GALNT9: variants seen among roughly 807,000 people sequenced by gnomAD.
The protein encoded by GALNT9 is polypeptide N-acetylgalactosaminyltransferase 9.
GALNT9 carries 47 observed loss-of-function variants against 63.1 expected under a neutral mutation model. The observed-to-expected ratio is 0.75, with a 90% CI of 0.59 to 0.95. The LOEUF (loss-of-function observed/expected upper bound fraction) is 0.95. Ranked by LOEUF, GALNT9 falls within the 40% of genes least tolerant of loss-of-function variation. The pLI is 0.00. For missense variants in GALNT9, 829 were observed against 874.8 expected (o/e 0.95, Z 0.66); for synonymous variants, 396 against 365.7 (o/e 1.08, Z -0.94).
chr12:132,222,635 G>T (rs1289247536), intron 6 of GALNT9, among the ~76,000 whole-genome samples: 1 of 151,898 alleles, frequency 6.6e-6, no homozygotes, highest in Non-Finnish European at 1.5e-5. Context: ...ACTCAGGCTN[G>T]TTAGCCACGG....
Position 132,304,579 on chromosome 12 carries a change from G to A in GALNT9, c.239-18149C>T, listed in dbSNP as rs182432767. 0.03 allele frequency among the ~76,000 whole-genome samples: 415 copies of A among 13,832 alleles called. 25 individuals carry two copies. The East Asian group carries it at 0.42, about 14-fold the overall frequency. 9.1% of individuals were successfully genotyped at this position (13,832 alleles called of 152,430 possible). On this transcript the variant is annotated intron_variant, in intron 1 of 10. Transcript: ENST00000328957. ...CACACCCTCACCGGGGCACACCCTC[G>A]CCCGGACACGCCCTCACCCGGGCAC... is the stretch of plus-strand genomic sequence containing the variant.
intron 8 of GALNT9, 48 bp from the exon 9 acceptor site, chr12:132,199,317 G>A (rs6598205): frequency 0.72 from 991,691 of 1,373,426 alleles, 359,148 homozygotes; most frequent in African/African-American, 0.84. Context: ...CCGAGGGTGC[G>A]GCCCCAGGGA....
At chr12:132,197,467 G>A (rs573432265) in intron 10 of GALNT9, among the ~76,000 whole-genome samples, 32 of 148,808 alleles carry the variant, frequency 2.2e-4, no homozygotes, top group Admixed American at 1.5e-3. Context: ...CAGGGCTAGC[G>A]GCCCAGGTTG....
At position 132,196,903 on chromosome 12, in the gene GALNT9, G is replaced by A. The variant is rs369583695; in HGVS notation, c.*204C>T. 486 of 1,392,178 alleles carry A rather than the reference G, an allele frequency of 3.5e-4. 1 individual carries two copies. The African/African-American group carries it at 6.1e-3, about 17-fold the overall frequency. The allele number at this position is 1,392,178 out of a possible 1,614,324, so 86.2% of individuals were successfully genotyped here. On this transcript the variant is annotated 3_prime_UTR_variant, in exon 11 of 11. Coordinates refer to ENST00000328957, the MANE Select transcript of GALNT9 (RefSeq NM_001122636.2). ...CAGACGCCCTCCCTCGGGTAGAGCC[G>A]CCTGTCCTAGGAGAAGCTGTACTCC...
intron 2 of GALNT9, among the ~76,000 whole-genome samples, chr12:132,271,940 C>T (rs2135551462): frequency 6.6e-6 from 1 of 152,310 alleles, no homozygotes; most frequent in Middle Eastern, 3.4e-3. Flanking sequence ...CACACGTGAA[C>T]TGTGTGTGTC....
intron 2 of GALNT9, among the ~76,000 whole-genome samples, chr12:132,269,275 T>G (rs561185791): frequency 6.6e-6 from 1 of 152,072 alleles, no homozygotes; most frequent in African/African-American, 2.4e-5. Flanking sequence ...GGCTTGGTGA[T>G]GGGAGGACTC....
At chr12:132,321,196 TTGGTCCAGAGTCGAGGCCC>T (rs1566024588) in intron 1 of GALNT9, among the ~76,000 whole-genome samples, 25 of 151,262 alleles carry the variant, frequency 1.7e-4, no homozygotes, top group Non-Finnish European at 7.4e-5. Flanking sequence ...GAGGCCCCTG[TTGGTCCAGAGTCGAGGCCC>T]CTGTGGGTCT....
intron 1 of GALNT9, among the ~76,000 whole-genome samples, chr12:132,290,484 C>T (rs1411373158): frequency 6.6e-6 from 1 of 152,146 alleles, no homozygotes; most frequent in Non-Finnish European, 1.5e-5. Flanking sequence ...CAGGAATAGA[C>T]AGCACAGGAG....
At chr12:132,240,848 C>T (rs201082062) in intron 6 of GALNT9, 29 of 361,238 alleles carry the variant, frequency 8.0e-5, no homozygotes, top group African/African-American at 6.8e-4. Flanking sequence ...TACACACACA[C>T]CACACCCCCT....
intron 1 of GALNT9, among the ~76,000 whole-genome samples, chr12:132,304,617 G>A (rs141615704): frequency 3.9e-4 from 10 of 25,502 alleles, no homozygotes; most frequent in Non-Finnish European, 5.2e-4. Context: ...CCTCACCCGG[G>A]CACAGCCTCA....
chr12:132,259,348 G>A (rs997467313), intron 4 of GALNT9, among the ~76,000 whole-genome samples: 28 of 152,352 alleles, frequency 1.8e-4, no homozygotes, highest in Admixed American at 6.5e-4. Flanking sequence ...AAAGGCTGCC[G>A]GTGTAGTTGT....
chr12:132,240,435 A>G (rs1878208933), intron 6 of GALNT9: 2 of 361,868 alleles, frequency 5.5e-6, no homozygotes, highest in South Asian at 2.1e-5. Flanking sequence ...CAGCGCAGAC[A>G]TGGCCTCAGA....
intron 8 of GALNT9, chr12:132,200,751 T>A: frequency 4.1e-6 from 1 of 243,560 alleles, no homozygotes; most frequent in Non-Finnish European, 8.1e-6. Context: ...TATCCCTATG[T>A]ACACATACGT....
chr12:132,271,240 C>A (rs555364224), intron 2 of GALNT9, among the ~76,000 whole-genome samples: 14 of 151,666 alleles, frequency 9.2e-5, no homozygotes, highest in Admixed American at 9.2e-4. Flanking sequence ...CGTTTGCCAG[C>A]CGACGAAACT....
intron 2 of GALNT9, among the ~76,000 whole-genome samples, chr12:132,276,044 A>G (rs1031233788): frequency 6.6e-6 from 1 of 152,242 alleles, no homozygotes; most frequent in Non-Finnish European, 1.5e-5. Flanking sequence ...TCCACATTGC[A>G]GCAGGAAGCC....
rs999442074 is a variant in GALNT9, at chr12:132,313,102, C to T, written c.238+15864G>A. On this transcript the variant is annotated intron_variant, in intron 1 of 10. Transcript: ENST00000328957. ...TCACCCACCCATCCACCCACTCACCCATCCATCCACCCATCCACCCACCCA... is the reference window on the plus strand; with the variant it reads ...TCACCCACCCATCCACCCACTCACCTATCCATCCACCCATCCACCCACCCA... Among the ~76,000 whole-genome samples the T allele has an allele frequency of 3.3e-5, 5 of 151,332 alleles. No homozygotes were observed. The East Asian group carries it at 9.8e-4, about 30-fold the overall frequency.
At position 132,255,540 on chromosome 12, in the gene GALNT9, T is replaced by A. The variant is rs2135539737; in HGVS notation, c.959+2149A>T. Among the ~76,000 whole-genome samples, 2 of 152,332 alleles carry A rather than the reference T, an allele frequency of 1.3e-5. 1 individual carries two copies. Among genetic ancestry groups the A allele is most frequent in the Admixed American group, 1.3e-4 (2 of 15,312 alleles). ...CCGCTACCTGGAGGCTTCATCTGCA[T>A]CATAAAACCTCGGTCTCCACAACCC... On this transcript the variant is annotated intron_variant, in intron 5 of 10. Coordinates refer to ENST00000328957, the MANE Select transcript of GALNT9 (RefSeq NM_001122636.2).
chr12:132,287,327 A>G (rs1325087350), intron 1 of GALNT9, among the ~76,000 whole-genome samples: 1 of 152,222 alleles, frequency 6.6e-6, no homozygotes, highest in African/African-American at 2.4e-5. Flanking sequence ...GGTCAGGCCT[A>G]CTAATGTTAA....
At chr12:132,254,650 G>A (rs1323631721) in intron 5 of GALNT9, among the ~76,000 whole-genome samples, 2 of 152,222 alleles carry the variant, frequency 1.3e-5, no homozygotes, top group South Asian at 2.1e-4. Flanking sequence ...AAACTTACAC[G>A]AAGGTCAGGC....
Sources: allele counts gnomAD v4.1 joint callset (sites outside exome capture counted in the v4.1 genomes callset), GRCh38; gene constraint gnomAD v4.1.1; transcripts MANE v1.5; gene names NCBI Gene and HGNC (gene_info 2026-07-23, HGNC 2026-07-21).